The following KANK1 variants were observed in gnomAD, a reference collection of about 807,000 sequenced individuals.
KANK1 encodes the protein KN motif and ankyrin repeat domain-containing protein 1.
Under a neutral mutation model 106.2 loss-of-function variants are expected in KANK1, and 109 were observed. The observed-to-expected ratio is 1.03, with a 90% CI of 0.88 to 1.20. KANK1 has a LOEUF of 1.20. Ranked by LOEUF, KANK1 falls within the 50% of genes most tolerant of loss-of-function variation. KANK1 has a pLI of 0.00. For synonymous variants in KANK1, 873 were observed against 652.2 expected (o/e 1.34, Z -5.16); for missense variants, 2,399 against 1,710.7 (o/e 1.40, Z -7.10).
chr9:585,292 G>T (rs997701096), intron 1 of KANK1, among the ~76,000 whole-genome samples: 11 of 152,208 alleles, frequency 7.2e-5, no homozygotes, highest in Admixed American at 6.5e-5. Context: ...TGAGAGTTTG[G>T]TCTTAAAATG....
intron 1 of KANK1, among the ~76,000 whole-genome samples, chr9:669,443 ATCTC>A (rs1245103349): frequency 1.3e-5 from 2 of 152,184 alleles, no homozygotes; most frequent in Admixed American, 1.3e-4. Context: ...GAAAAAGACT[ATCTC>A]TCCTTCATAC....
At chr9:593,171 G>C (rs1310575379) in intron 1 of KANK1, among the ~76,000 whole-genome samples, 2 of 151,744 alleles carry the variant, frequency 1.3e-5, no homozygotes, top group Non-Finnish European at 2.9e-5. Context: ...CTTATCTCTA[G>C]ATGTGGAATA....
chr9:627,672 G>C (rs10491596), intron 1 of KANK1, among the ~76,000 whole-genome samples: 8 of 152,086 alleles, frequency 5.3e-5, no homozygotes, highest in Admixed American at 5.2e-4. Context: ...ATTCCAGCTC[G>C]TATCTTGGTT....
intron 1 of KANK1, among the ~76,000 whole-genome samples, chr9:576,317 A>G (rs973544078): frequency 2.6e-5 from 4 of 152,176 alleles, no homozygotes; most frequent in Non-Finnish European, 2.9e-5. Context: ...AGTGTATACA[A>G]GGTAAGAAGC....
At chr9:606,871 A>G (rs1829338152) in intron 1 of KANK1, among the ~76,000 whole-genome samples, 1 of 151,652 alleles carries the variant, frequency 6.6e-6, no homozygotes, top group Non-Finnish European at 1.5e-5. Context: ...GCAGAAAGGA[A>G]AAACAAAGTC....
chr9:593,988 C>A (rs936955818), intron 1 of KANK1, among the ~76,000 whole-genome samples: 4 of 151,888 alleles, frequency 2.6e-5, no homozygotes, highest in African/African-American at 9.7e-5. Context: ...ACTCCCTGGG[C>A]TGTGCCCTTC....
At chr9:596,526 C>G (rs1457802143) in intron 1 of KANK1, among the ~76,000 whole-genome samples, 2 of 151,690 alleles carry the variant, frequency 1.3e-5, no homozygotes, top group Admixed American at 1.3e-4. Context: ...TTTACCACCC[C>G]TGGTTTTGAG....
In KANK1 at chr9:592,305, G is replaced by A. The variant is rs552112349; in HGVS notation, c.-83-84585G>A. On this transcript the variant is annotated intron_variant, in intron 1 of 11. Transcript: ENST00000382297. The stretch of plus-strand genomic sequence containing the variant: ...GAACCTGGCCTTTAATCATCTGTGC[G>A]CAGGACTGCTCTTTCCCAGGGAGCA... Among the ~76,000 whole-genome samples, 71 of 151,950 alleles carry A rather than the reference G, an allele frequency of 4.7e-4. 4 individuals carry two copies. The highest frequency in any genetic ancestry group is 1.4e-3 in the African/African-American group (59 of 41,266).
intron 1 of KANK1, among the ~76,000 whole-genome samples, chr9:663,800 G>C (rs1462248718): frequency 6.6e-6 from 1 of 152,150 alleles, no homozygotes; most frequent in African/African-American, 2.4e-5. Context: ...CCTGTTCCTT[G>C]GCAGTGCAGC....
chr9:591,804 G>T (rs1406690775), intron 1 of KANK1, among the ~76,000 whole-genome samples: 1 of 151,644 alleles, frequency 6.6e-6, no homozygotes, highest in African/African-American at 2.4e-5. Context: ...GATTACAGGT[G>T]CCCACTACGA....
intron 1 of KANK1, among the ~76,000 whole-genome samples, chr9:600,675 C>T (rs370209409): frequency 6.6e-6 from 1 of 151,764 alleles, no homozygotes; most frequent in African/African-American, 2.4e-5. Context: ...CCATACACCT[C>T]ACCTCATGCC....
At chr9:508,953 C>T (rs919171803) in intron 1 of KANK1, among the ~76,000 whole-genome samples, 15 of 152,076 alleles carry the variant, frequency 9.9e-5, no homozygotes, top group African/African-American at 3.6e-4. Flanking sequence ...AACTAGGATT[C>T]AGTTTAGAGG....
chr9:727,384 T>C (rs1219666031), intron 3 of KANK1, among the ~76,000 whole-genome samples: 1 of 152,018 alleles, frequency 6.6e-6, no homozygotes, highest in Non-Finnish European at 1.5e-5. Flanking sequence ...GGGACGATCT[T>C]GGCTCACTGC....
chr9:654,818 A>T (rs200969299), intron 1 of KANK1, among the ~76,000 whole-genome samples: 1,163 of 14,136 alleles, frequency 0.082, 15 homozygotes, highest in African/African-American at 0.23. Flanking sequence ...TGTGTGTGAG[A>T]GAGAGAGAGA....
chr9:475,743 A>T (rs942915674), intron 3 of KANK1, among the ~76,000 whole-genome samples: 3 of 152,328 alleles, frequency 2.0e-5, no homozygotes, highest in Non-Finnish European at 2.9e-5. Flanking sequence ...CATCCTTTGT[A>T]GGGGAAAATT....
rs771393546 is a variant in KANK1, at chr9:744,540, T to C, written c.3947T>C (p.Ile1316Thr). 5.6e-6 allele frequency: 9 copies of C among 1,614,122 alleles called. No individual in the cohort carries two copies. The highest frequency in any genetic ancestry group is 7.6e-6 in the Non-Finnish European group (9 of 1,179,984). ...GCCCTGGAAGCAGGACACAAGGACA[T>C]CGCTGTTCTTCTGTATGCCCATGTC... ...SIALEAGHKDIAVLLYAHVNF... is the reference protein window; with the variant it reads ...SIALEAGHKDTAVLLYAHVNF... The change falls in exon 11 of 12, where the codon ATC (isoleucine) becomes ACC (threonine). Residue 1316 changes from isoleucine to threonine, a missense_variant. Ile to Thr is a moderately conservative substitution (Grantham distance 89). Transcript: ENST00000382297.
chr9:684,256 A>G (rs1465896356), intron 2 of KANK1: 2 of 985,324 alleles, frequency 2.0e-6, no homozygotes, highest in African/African-American at 1.7e-5. Flanking sequence ...AAGCCAAGAA[A>G]GGATGATTTA....
chr9:613,129 A>T (rs911288818), intron 1 of KANK1, among the ~76,000 whole-genome samples: 1 of 152,098 alleles, frequency 6.6e-6, no homozygotes, highest in Non-Finnish European at 1.5e-5. Flanking sequence ...TCTTGTAAGT[A>T]GACCAGAATA....
chr9:571,097 G>GT (rs1290633290), intron 1 of KANK1, among the ~76,000 whole-genome samples: 5 of 152,226 alleles, frequency 3.3e-5, no homozygotes, highest in African/African-American at 1.2e-4. Context: ...CTCTGTTGTG[G>GT]TATGAGAGAG....
Sources: gnomAD v4.1 joint callset for allele counts (sites outside exome capture counted in the v4.1 genomes callset) on GRCh38, gnomAD v4.1.1 for gene constraint, MANE v1.5 for transcripts, NCBI Gene and HGNC (gene_info 2026-07-23, HGNC 2026-07-21) for gene names.